NIBAN3: variants seen among roughly 807,000 people sequenced by gnomAD.
The protein encoded by NIBAN3 is protein Niban 3.
NIBAN3 carries 66 observed loss-of-function variants against 76.4 expected under a neutral mutation model. The ratio of observed to expected loss-of-function variants is 0.86; its 90% CI spans 0.71 to 1.06. The LOEUF is 1.06. NIBAN3 is among the 50% of genes least tolerant of loss of function. NIBAN3 has a pLI of 0.00. For missense variants in NIBAN3, 808 were observed against 810.7 expected, an observed-to-expected ratio of 1.00 and a Z score of 0.04; for synonymous variants, 360 against 355.2, an observed-to-expected ratio of 1.01 and a Z score of -0.15.
Position 17,539,668 on chromosome 19 carries a change from C to G in NIBAN3, c.882C>G (p.Pro294=). ...CCGCCGGGCTCTGCGCCTTCCAGCC[C>G]GAAAAGGACGAGCTGCTTGCGTCGC... ...GASAGLCAFQ[P]EKDELLASLE... is the part of the protein sequence containing the mutation. Residue 294 remains proline, a synonymous_variant, in exon 8 of 15, where the codon CCC becomes CCG. Transcript: ENST00000599164. 4.5e-6 allele frequency: 7 copies of G among 1,561,104 alleles called. No individual in the cohort carries two copies. The highest frequency in any genetic ancestry group is 1.7e-4 in the Middle Eastern group (1 of 6,002).
intron 12 of NIBAN3, 88 bp downstream of exon 12, chr19:17,543,719 G>A (rs976214787): frequency 3.3e-5 from 38 of 1,164,156 alleles, no homozygotes; most frequent in African/African-American, 4.6e-5. Flanking sequence ...GAGGCTGGGC[G>A]CAGTGGCTCA....
upstream of NIBAN3, chr19:17,523,515 G>A (rs373035453): frequency 4.1e-6 from 6 of 1,473,534 alleles, no homozygotes; most frequent in African/African-American, 5.6e-5. Context: ...CTGGTTGAGG[G>A]CAGGAGGCCG....
intron 14 of NIBAN3, among the ~76,000 whole-genome samples, chr19:17,551,540 T>C (rs923670913): frequency 6.6e-6 from 1 of 152,060 alleles, no homozygotes; most frequent in Non-Finnish European, 1.5e-5. Context: ...CCCGAGTAGC[T>C]GGGATTACAG....
At chr19:17,544,990 C>A (rs999244219) in intron 12 of NIBAN3, among the ~76,000 whole-genome samples, 5 of 151,862 alleles carry the variant, frequency 3.3e-5, no homozygotes, top group South Asian at 4.2e-4. Flanking sequence ...TAGTGAGACC[C>A]CACCTCTACA....
Position 17,532,438 on chromosome 19 carries a change from C to A in NIBAN3, c.312+50C>A, listed in dbSNP as rs756732768. ...CTACTTCTGGGTCCCTCCTTCCCACCCCCGTCAGCCTCAAGGTTTGTGGGA... is the reference window on the plus strand; with the variant it reads ...CTACTTCTGGGTCCCTCCTTCCCACACCCGTCAGCCTCAAGGTTTGTGGGA... On this transcript the variant is annotated intron_variant, in intron 3 of 14. Coordinates refer to ENST00000599164, the MANE Select transcript of NIBAN3 (RefSeq NM_001321827.2). 2.5e-6 allele frequency: 4 copies of A among 1,613,324 alleles called. No homozygotes were observed. The Admixed American group carries it at 6.7e-5, about 27-fold the overall frequency.
At chr19:17,537,585 C>T (rs370267736) in intron 5 of NIBAN3, 42 bp downstream of exon 5, 4 of 1,516,438 alleles carry the variant, frequency 2.6e-6, no homozygotes, top group Non-Finnish European at 3.5e-6. Flanking sequence ...GGCTAATGGT[C>T]TGGGGTCAGA....
At position 17,539,592 on chromosome 19, in the gene NIBAN3, G is replaced by A; in HGVS notation, c.817-11G>A. 6.5e-7 allele frequency: 1 copy of A among 1,536,854 alleles called. No individual in the cohort carries two copies. Among genetic ancestry groups the A allele is most frequent in the Non-Finnish European group, 8.8e-7 (1 of 1,135,474 alleles). ...GTCTCGGCTTTGTCCCCCCTCGACC[G>A]GTCTGGGCAGCTTCTAGACGCCGTT... On this transcript the variant is annotated splice_polypyrimidine_tract_variant and intron_variant, in intron 7 of 14. Coordinates refer to ENST00000599164, the MANE Select transcript of NIBAN3 (RefSeq NM_001321827.2).
intron 4 of NIBAN3, among the ~76,000 whole-genome samples, chr19:17,534,096 G>A (rs376459780): frequency 2.0e-5 from 3 of 152,140 alleles, no homozygotes; most frequent in South Asian, 2.1e-4. Flanking sequence ...CCAGCTACTC[G>A]GGAGGCTGAG....
Position 17,537,382 on chromosome 19 carries a change from A to G in NIBAN3, c.434A>G (p.His145Arg). 6.2e-7 allele frequency: 1 copy of G among 1,613,586 alleles called. No individual in the cohort carries two copies. The highest frequency in any genetic ancestry group is 8.5e-7 in the Non-Finnish European group (1 of 1,179,748). ...DALCPESLGD[H>R]TQEEPDSLLE... is the part of the protein sequence containing the mutation. ...ACCTCCTGTTTGTTTTCAGGAGACC[A>G]TACTCAGGAAGAGCCTGACTCCCTC... Residue 145 changes from histidine (H) to arginine (R), a missense_variant, in exon 5 of 15, where the codon CAT (histidine) becomes CGT (arginine). Coordinates refer to ENST00000599164, the MANE Select transcript of NIBAN3 (RefSeq NM_001321827.2).
At chr19:17,533,014 T>G (rs1379017462) in intron 3 of NIBAN3, among the ~76,000 whole-genome samples, 4 of 152,100 alleles carry the variant, frequency 2.6e-5, no homozygotes, top group Non-Finnish European at 5.9e-5. Flanking sequence ...GGCTCACGCC[T>G]ATAATCCCAG....
intron 13 of NIBAN3, among the ~76,000 whole-genome samples, chr19:17,548,288 G>A (rs972311263): frequency 5.3e-5 from 8 of 152,172 alleles, no homozygotes; most frequent in East Asian, 1.9e-4. Context: ...TGGAAGATGC[G>A]CAAGGCCTTG....
chr19:17,537,293 C>G (rs146116492), intron 4 of NIBAN3, 83 bp from the exon 5 acceptor site: 4 of 1,354,888 alleles, frequency 3.0e-6, no homozygotes, highest in Non-Finnish European at 3.1e-6. Flanking sequence ...ACTGCCCATG[C>G]CAGGGACTGC....
At chr19:17,527,210 G>C (rs1267075339), upstream of NIBAN3, 1 of 1,546,692 alleles carries the variant, frequency 6.5e-7, no homozygotes, top group Non-Finnish European at 8.7e-7. Flanking sequence ...GCAGCGTGGG[G>C]TGGGGCAGGG....
Position 17,542,002 on chromosome 19 carries a change from A to T in NIBAN3, c.1171-134A>T. On this transcript the variant is annotated intron_variant, in intron 9 of 14. Transcript: ENST00000599164. The surrounding 1 kb of genome is among the most constrained non-coding windows in gnomAD (Gnocchi z 4.8). ...CCTGGCCCACCACTATTGTATTATG[A>T]GTTTCTTTGGTGACAGCTGAGACGG... The T allele has an allele frequency of 9.1e-7, 1 of 1,102,248 alleles. No individual in the cohort carries two copies. Among genetic ancestry groups the T allele is most frequent in the Non-Finnish European group, 1.3e-6 (1 of 749,992 alleles). The allele number at this position is 1,102,248 out of a possible 1,614,324, so 68.3% of individuals were successfully genotyped here.
downstream of NIBAN3, among the ~76,000 whole-genome samples, chr19:17,554,396 G>A (rs1232396942): frequency 4.0e-5 from 6 of 151,204 alleles, no homozygotes; most frequent in Non-Finnish European, 8.8e-5. Flanking sequence ...AGGAGGATCA[G>A]TTGAGCCCAG....
chr19:17,549,314 G>C, intron 13 of NIBAN3, 130 bp from the exon 14 acceptor site: 1 of 700,368 alleles, frequency 1.4e-6, no homozygotes, highest in Non-Finnish European at 2.5e-6. Context: ...CGGGCTTGGA[G>C]AGAGGCTCTA....
At position 17,553,097 on chromosome 19, in the gene NIBAN3, T is replaced by G; in HGVS notation, c.*1199T>G. On this transcript the variant is annotated 3_prime_UTR_variant, in exon 15 of 15. Transcript: ENST00000599164. ...TCTCAAAAAACAAAATCCAAATATG[T>G]TGATTAGCCATTTACATGTTTGTAG... 1 of 631,960 alleles carries G rather than the reference T, an allele frequency of 1.6e-6. No homozygotes were observed. Among genetic ancestry groups the G allele is most frequent in the Non-Finnish European group, 2.4e-6 (1 of 411,876 alleles). 39.1% of individuals were successfully genotyped at this position (631,960 alleles called of 1,614,324 possible). A position where few individuals can be genotyped will look rare whatever the true frequency, so the allele number is the denominator to read the frequency against.
chr19:17,534,931 C>G (rs1230113606), intron 4 of NIBAN3, among the ~76,000 whole-genome samples: 1 of 152,112 alleles, frequency 6.6e-6, no homozygotes, highest in Non-Finnish European at 1.5e-5. Context: ...CACTAACTAC[C>G]CCATTTCACA....
intron 2 of NIBAN3, 127 bp downstream of exon 2, chr19:17,531,012 T>A: frequency 8.9e-7 from 1 of 1,117,598 alleles, no homozygotes; most frequent in Non-Finnish European, 1.2e-6. Context: ...ATGCATTGTT[T>A]AAATAAACAT....
Sources: allele counts gnomAD v4.1 joint callset (sites outside exome capture counted in the v4.1 genomes callset), GRCh38; gene constraint gnomAD v4.1.1; non-coding constraint Gnocchi (gnomAD v3.1); transcripts MANE v1.5; gene names NCBI Gene and HGNC (gene_info 2026-07-23, HGNC 2026-07-21).